LUZP2: variants seen among roughly 807,000 people sequenced by gnomAD.
The protein encoded by LUZP2 is leucine zipper protein 2.
LUZP2 carries 52 observed loss-of-function variants against 51.6 expected under a neutral mutation model. The ratio of observed to expected loss-of-function variants is 1.01; its 90% CI spans 0.81 to 1.27. The LOEUF is 1.27. LUZP2 is among the 50% of genes most tolerant of loss of function. The probability of loss-of-function intolerance (pLI) is 0.00; values close to 1 mark genes in which losing one functional copy is unlikely to be tolerated. For missense variants in LUZP2, 436 were observed against 395.4 expected (o/e 1.10, Z -0.87); for synonymous variants, 154 against 137.3 (o/e 1.12, Z -0.85).
At chr11:25,074,262 T>C (rs546841692) in intron 10 of LUZP2, among the ~76,000 whole-genome samples, 1 of 152,300 alleles carries the variant, frequency 6.6e-6, no homozygotes, top group East Asian at 1.9e-4. Flanking sequence ...AAAGGCTTTA[T>C]TAAAGCAGAA....
chr11:24,765,978 C>T (rs537398790), intron 5 of LUZP2, among the ~76,000 whole-genome samples: 1 of 152,166 alleles, frequency 6.6e-6, no homozygotes, highest in South Asian at 2.1e-4. Flanking sequence ...CCAGGTGGGT[C>T]TTGCATTCTT....
chr11:24,551,865 T>C (rs936558166), intron 1 of LUZP2, among the ~76,000 whole-genome samples: 2 of 151,934 alleles, frequency 1.3e-5, no homozygotes, highest in African/African-American at 4.8e-5. Flanking sequence ...AATACATCTG[T>C]AATTCTTAAA....
chr11:24,879,917 G>A (rs559506184), intron 5 of LUZP2, among the ~76,000 whole-genome samples: 1 of 152,254 alleles, frequency 6.6e-6, no homozygotes, highest in African/African-American at 2.4e-5. Flanking sequence ...GCAGTCTGTG[G>A]TTGAGAGAGG....
intron 5 of LUZP2, among the ~76,000 whole-genome samples, chr11:24,816,281 C>CT (rs1002664881): frequency 1.7e-4 from 25 of 150,594 alleles, no homozygotes; most frequent in Admixed American, 8.0e-4. Flanking sequence ...TTTCTAAAAT[C>CT]TTTTTTTTTC....
At chr11:24,979,410 TG>T (rs1260361185) in intron 8 of LUZP2, among the ~76,000 whole-genome samples, 1 of 151,858 alleles carries the variant, frequency 6.6e-6, no homozygotes, top group African/African-American at 2.4e-5. Flanking sequence ...TACAGTTTAA[TG>T]AAATAGATTT....
chr11:24,600,629 C>T (rs1472977883), intron 1 of LUZP2, among the ~76,000 whole-genome samples: 1 of 152,088 alleles, frequency 6.6e-6, no homozygotes, highest in Non-Finnish European at 1.5e-5. Flanking sequence ...CTAACTAAAA[C>T]TTAGCTCACT....
At chr11:24,501,078 C>G (rs1488301580) in intron 1 of LUZP2, among the ~76,000 whole-genome samples, 2 of 152,210 alleles carry the variant, frequency 1.3e-5, no homozygotes, top group East Asian at 1.9e-4. Flanking sequence ...CATGGGTTTG[C>G]TTCCTAAGTC....
chr11:24,750,693 A>G (rs934079924), intron 4 of LUZP2, among the ~76,000 whole-genome samples: 5 of 152,198 alleles, frequency 3.3e-5, no homozygotes, highest in South Asian at 2.1e-4. Flanking sequence ...AGTTAAAAAT[A>G]TCCCTCAACT....
intron 10 of LUZP2, among the ~76,000 whole-genome samples, chr11:25,066,919 G>A (rs1247299802): frequency 6.6e-6 from 1 of 151,946 alleles, no homozygotes; most frequent in Non-Finnish European, 1.5e-5. Flanking sequence ...TTTCAAAGCT[G>A]ACATAGCATA....
At chr11:24,649,749 C>T (rs1855568786) in intron 1 of LUZP2, among the ~76,000 whole-genome samples, 1 of 151,856 alleles carries the variant, frequency 6.6e-6, no homozygotes. Flanking sequence ...CCATTTCTAT[C>T]AGAGGCAAAA....
chr11:24,929,143 G>A (rs1004241410), intron 7 of LUZP2, among the ~76,000 whole-genome samples: 2 of 151,850 alleles, frequency 1.3e-5, no homozygotes, highest in Admixed American at 6.6e-5. Context: ...CTTGCTAATG[G>A]TCTATCAATT....
At chr11:24,966,279 G>T (rs1179782199) in intron 7 of LUZP2, among the ~76,000 whole-genome samples, 2 of 151,294 alleles carry the variant, frequency 1.3e-5, no homozygotes, top group African/African-American at 4.8e-5. Context: ...TCTTCTTATT[G>T]TTGAGCTGTA....
intron 10 of LUZP2, among the ~76,000 whole-genome samples, chr11:25,050,472 T>A (rs1489815632): frequency 6.6e-6 from 1 of 151,852 alleles, no homozygotes; most frequent in Non-Finnish European, 1.5e-5. Context: ...GCTCGGCTAA[T>A]TTTTTGTATT....
intron 5 of LUZP2, among the ~76,000 whole-genome samples, chr11:24,888,665 C>A (rs1455501534): frequency 6.6e-6 from 1 of 152,104 alleles, no homozygotes; most frequent in East Asian, 1.9e-4. Flanking sequence ...AACACCTGAA[C>A]ACCATTTGAT....
Position 25,077,340 on chromosome 11 carries a change from G to A in LUZP2, c.870G>A (p.Pro290=), listed in dbSNP as rs370460065. ...TACDSQDEGR[P]CSMKHKESPP... ...TGCTACTTTTGTAGGAGGGCAGACC[G>A]TGTTCCATGAAGCACAAAGAAAGTC... The change falls in exon 11 of 12, where the codon CCG becomes CCA. Residue 290 remains proline (P), a synonymous_variant. Transcript: ENST00000336930. 41 of 1,611,442 alleles carry A rather than the reference G, an allele frequency of 2.5e-5. No individual in the cohort carries two copies. Among genetic ancestry groups the A allele is most frequent in the Non-Finnish European group, 3.3e-5 (39 of 1,178,216 alleles).
At chr11:24,566,623 T>TATATAC (rs1157633427) in intron 1 of LUZP2, among the ~76,000 whole-genome samples, 4 of 145,274 alleles carry the variant, frequency 2.8e-5, no homozygotes, top group African/African-American at 1.0e-4. Flanking sequence ...TGTATAGATA[T>TATATAC]ACACACACAC....
rs72192382 is a variant in LUZP2 at position 24,640,957 on chromosome 11, GTATAGATATAGATATAGATATAGA to G, written c.63-88177_63-88154del. ...TGTATGTATGTGTATATCTATATCT[GTATAGATATAGATATAGATATAGA>G]TATAGATATAGATATAGATATAGAT... On this transcript the variant is annotated intron_variant, in intron 1 of 11. Transcript: ENST00000336930. Among the ~76,000 whole-genome samples, 773 of 145,292 alleles carry G rather than the reference GTATAGATATAGATATAGATATAGA, an allele frequency of 5.3e-3. 12 individuals are homozygous for G. The highest frequency in any genetic ancestry group is 0.014 in the African/African-American group (560 of 38,756).
chr11:25,076,269 T>A (rs1859295781), intron 10 of LUZP2, among the ~76,000 whole-genome samples: 1 of 152,114 alleles, frequency 6.6e-6, no homozygotes, highest in South Asian at 2.1e-4. Context: ...GGTCTCAAAC[T>A]CCTGGGCTTA....
chr11:24,729,352 G>T (rs974170262), intron 2 of LUZP2, 66 bp downstream of exon 2: 26 of 799,636 alleles, frequency 3.3e-5, no homozygotes, highest in Admixed American at 1.0e-4. Flanking sequence ...TGAGTGGATT[G>T]ACATGCATTT....
Sources: gnomAD v4.1 joint callset for allele counts (sites outside exome capture counted in the v4.1 genomes callset) on GRCh38, gnomAD v4.1.1 for gene constraint, MANE v1.5 for transcripts, NCBI Gene and HGNC (gene_info 2026-07-23, HGNC 2026-07-21) for gene names.